The following GNB4 variants were observed in gnomAD, a reference collection of about 807,000 sequenced individuals.
GNB4 encodes the protein guanine nucleotide-binding protein subunit beta-4.
A neutral mutation model predicts 45.2 loss-of-function variants in GNB4; 28 were observed. The observed-to-expected ratio is 0.62, with a 90% CI of 0.46 to 0.85. The LOEUF is 0.85. GNB4 is among the 40% of genes least tolerant of loss of function. The pLI is 0.00. For missense variants in GNB4, 321 were observed against 425.4 expected, an observed-to-expected ratio of 0.75 and a Z score of 2.16; for synonymous variants, 132 against 143.7, an observed-to-expected ratio of 0.92 and a Z score of 0.58.
At chr3:179,517,715 A>G in the GNB4 span, among the ~76,000 whole-genome samples, 1 of 152,026 alleles carries the variant, frequency 6.6e-6, no homozygotes, top group Non-Finnish European at 1.5e-5. Flanking sequence ...CCACACTTCA[A>G]TCTCTCCTTT....
chr3:179,494,711 C>A, the GNB4 span, among the ~76,000 whole-genome samples: 2 of 151,728 alleles, frequency 1.3e-5, no homozygotes, highest in Non-Finnish European at 2.9e-5. Context: ...AGATCAAGAC[C>A]ATCCTGGCTA....
At chr3:179,451,773 G>A (rs1715889060), upstream of GNB4, among the ~76,000 whole-genome samples, 1 of 152,216 alleles carries the variant, frequency 6.6e-6, no homozygotes, top group South Asian at 2.1e-4. Context: ...AGTAGCGCCC[G>A]TCTAAGTGGC....
chr3:179,430,073 GAC>G (rs1491208619), intron 1 of GNB4, among the ~76,000 whole-genome samples: 306 of 62,300 alleles, frequency 4.9e-3, no homozygotes, highest in African/African-American at 7.1e-3. Flanking sequence ...CTGAGAGAGA[GAC>G]AGACAGACAG....
the GNB4 span, among the ~76,000 whole-genome samples, chr3:179,504,652 TA>T: frequency 1.3e-5 from 2 of 152,176 alleles, no homozygotes; most frequent in Non-Finnish European, 2.9e-5. Context: ...CAGATAAGAC[TA>T]AAGATAAGAG....
the GNB4 span, among the ~76,000 whole-genome samples, chr3:179,480,648 TG>T: frequency 6.6e-6 from 1 of 152,050 alleles, no homozygotes; most frequent in Non-Finnish European, 1.5e-5. Flanking sequence ...GAGGGGTTTT[TG>T]TTTCTTATCC....
At chr3:179,425,383 G>A (rs1383282141) in intron 2 of GNB4, among the ~76,000 whole-genome samples, 3 of 152,184 alleles carry the variant, frequency 2.0e-5, no homozygotes, top group Non-Finnish European at 4.4e-5. Context: ...TGTTAAAGAT[G>A]GAGTTTGTAG....
intron 1 of GNB4, among the ~76,000 whole-genome samples, chr3:179,429,028 G>A (rs1715227391): frequency 6.6e-6 from 1 of 152,220 alleles, no homozygotes; most frequent in Admixed American, 6.5e-5. Flanking sequence ...CTCCGTGGAT[G>A]GGGCACCGAT....
At chr3:179,476,039 A>C in the GNB4 span, among the ~76,000 whole-genome samples, 9 of 152,226 alleles carry the variant, frequency 5.9e-5, no homozygotes, top group Non-Finnish European at 8.8e-5. Context: ...GTACCAGCTC[A>C]AAAGTTCAAA....
chr3:179,486,696 A>T, the GNB4 span, among the ~76,000 whole-genome samples: 1 of 152,222 alleles, frequency 6.6e-6, no homozygotes, highest in Non-Finnish European at 1.5e-5. Context: ...GAATCTGAGG[A>T]GGTTGACACT....
the GNB4 span, chr3:179,464,692 TA>T: frequency 4.7e-6 from 5 of 1,070,310 alleles, no homozygotes; most frequent in Non-Finnish European, 5.8e-6. Context: ...TTGTTGAATT[TA>T]ATCAGCAAAC....
At chr3:179,520,224 G>C in the GNB4 span, among the ~76,000 whole-genome samples, 5 of 145,498 alleles carry the variant, frequency 3.4e-5, no homozygotes, top group Admixed American at 2.8e-4. Context: ...CTGCCGCAAG[G>C]CTTCACAGAC....
intron 3 of GNB4, among the ~76,000 whole-genome samples, 161 bp from the exon 4 acceptor site, chr3:179,419,666 A>G (rs1714920181): frequency 6.6e-6 from 1 of 152,232 alleles, no homozygotes; most frequent in African/African-American, 2.4e-5. Flanking sequence ...TATGGGATCA[A>G]TATGTTCCTG....
intron 1 of GNB4, among the ~76,000 whole-genome samples, chr3:179,443,519 A>G (rs1399358844): frequency 6.6e-6 from 1 of 152,216 alleles, no homozygotes; most frequent in South Asian, 2.1e-4. Context: ...AGCCTGGGTG[A>G]CTGAGTGAGA....
intron 4 of GNB4, 37 bp downstream of exon 4, chr3:179,419,362 A>T: frequency 8.5e-7 from 1 of 1,170,664 alleles, no homozygotes; most frequent in Non-Finnish European, 1.3e-6. Context: ...ATAATTCTGC[A>T]ACAGTTTAAA....
upstream of GNB4, among the ~76,000 whole-genome samples, chr3:179,453,496 G>T (rs976643401): frequency 6.6e-6 from 1 of 152,196 alleles, no homozygotes; most frequent in African/African-American, 2.4e-5. Flanking sequence ...AAAGCTTTGA[G>T]AGCTGGTTGT....
chr3:179,405,359 A>C lies in GNB4; in HGVS notation c.747T>G (p.Thr249=), dbSNP rs774571998. ...YAFATGSDDA[T]CRLFDLRADQ... Reference sequence around the variant, plus strand: ...CTGCACGAAGGTCAAAGAGCCGGCAAGTGGCATCATCAGAGCCAGTGGCGA... The same window carrying C: ...CTGCACGAAGGTCAAAGAGCCGGCACGTGGCATCATCAGAGCCAGTGGCGA... Residue 249 remains threonine (T), a synonymous_variant, in exon 9 of 10, where the codon ACT becomes ACG. Coordinates refer to ENST00000232564, the MANE Select transcript of GNB4 (RefSeq NM_021629.4). 6 of 1,613,964 alleles carry C rather than the reference A, an allele frequency of 3.7e-6. No homozygotes were observed. The highest frequency in any genetic ancestry group is 1.3e-5 in the African/African-American group (1 of 74,956).
At position 179,420,868 on chromosome 3, in the gene GNB4, T is replaced by C. The variant is rs745467365; in HGVS notation, c.96+21A>G. 8.6e-6 allele frequency: 13 copies of C among 1,511,938 alleles called. No homozygotes were observed. In the East Asian group the frequency reaches 2.5e-4, roughly 29 times the overall value. 93.7% of individuals were successfully genotyped at this position (1,511,938 alleles called of 1,614,324 possible). A position where few individuals can be genotyped will look rare whatever the true frequency, so the allele number is the denominator to read the frequency against. ...TATTTTATGAGTTACCAAAATGAAA[T>C]AAAGAAAAACAAAACTTTACCTGAA... On this transcript the variant is annotated intron_variant, in intron 3 of 9. Coordinates refer to ENST00000232564, the MANE Select transcript of GNB4 (RefSeq NM_021629.4).
chr3:179,427,605 T>TAAAAAAAAAAAAAAAAAAAAAA (rs67400722), intron 1 of GNB4, among the ~76,000 whole-genome samples: 1 of 129,730 alleles, frequency 7.7e-6, no homozygotes, highest in Non-Finnish European at 1.6e-5. Flanking sequence ...ACTCTGGCTT[T>TAAAAAAAAAAAAAAAAAAAAAA]AAAAAAAAAA....
chr3:179,458,866 C>T, the GNB4 span, among the ~76,000 whole-genome samples: 1 of 152,138 alleles, frequency 6.6e-6, no homozygotes, highest in African/African-American at 2.4e-5. Context: ...TATCAAAACT[C>T]ATCTAGGAAC....
Sources: gnomAD v4.1 joint callset for allele counts (sites outside exome capture counted in the v4.1 genomes callset) on GRCh38, gnomAD v4.1.1 for gene constraint, MANE v1.5 for transcripts, NCBI Gene and HGNC (gene_info 2026-07-23, HGNC 2026-07-21) for gene names.